The following GET1 variants were observed in gnomAD, a reference collection of about 807,000 sequenced individuals.
GET1 encodes the protein congenital heart disease 5 protein.
A neutral mutation model predicts 22.6 loss-of-function variants in GET1; 20 were observed. The ratio of observed to expected loss-of-function variants is 0.89; its 90% CI spans 0.62 to 1.29. The LOEUF (loss-of-function observed/expected upper bound fraction) is 1.29. Ranked by LOEUF, GET1 falls within the 50% of genes most tolerant of loss-of-function variation. The pLI is 0.00. For synonymous variants in GET1, 92 were observed against 83.8 expected (o/e 1.10, Z -0.53); for missense variants, 209 against 219.9 (o/e 0.95, Z 0.31).
intron 1 of GET1, chr21:39,426,183 A>T (rs2074671929): frequency 6.6e-6 from 1 of 152,112 alleles, no homozygotes; most frequent in South Asian, 2.1e-4. Flanking sequence ...GTGGGTGGGG[A>T]GGACAAGCCA....
chr21:39,390,661 G>A, intron 1 of GET1, 37 bp from the exon 2 acceptor site: 5 of 1,611,308 alleles, frequency 3.1e-6, no homozygotes, highest in Non-Finnish European at 4.2e-6. Context: ...TGTGACCCGT[G>A]TTGGAAGGTG....
At chr21:39,384,517 C>T (rs1448354160) in intron 1 of GET1, among the ~76,000 whole-genome samples, 1 of 151,652 alleles carries the variant, frequency 6.6e-6, no homozygotes, top group African/African-American at 2.4e-5. Context: ...GCCTCAGCCT[C>T]CCAAAGTGCG....
intron 1 of GET1, among the ~76,000 whole-genome samples, chr21:39,419,386 A>T (rs1038135644): frequency 6.6e-6 from 1 of 152,016 alleles, no homozygotes; most frequent in Non-Finnish European, 1.5e-5. Flanking sequence ...TTAGCTGGGT[A>T]TGGTGGCATG....
At chr21:39,419,670 T>C (rs1360333201) in intron 1 of GET1, among the ~76,000 whole-genome samples, 1 of 152,148 alleles carries the variant, frequency 6.6e-6, no homozygotes, top group African/African-American at 2.4e-5. Flanking sequence ...GGCAGAATCC[T>C]TGTGAATGGG....
chr21:39,411,948 A>G, intron 1 of GET1: 1 of 535,632 alleles, frequency 1.9e-6, no homozygotes, highest in Non-Finnish European at 3.4e-6. Flanking sequence ...ATATCATCCT[A>G]TACCATTCCT....
intron 3 of GET1, chr21:39,392,084 G>A (rs1404224967): frequency 8.3e-6 from 4 of 480,250 alleles, no homozygotes; most frequent in Non-Finnish European, 1.1e-5. Flanking sequence ...AGTTCTCGGA[G>A]AGCTTTCACC....
intron 4 of GET1, among the ~76,000 whole-genome samples, chr21:39,393,766 C>T (rs2038461455): frequency 6.6e-6 from 1 of 152,108 alleles, no homozygotes; most frequent in Non-Finnish European, 1.5e-5. Context: ...TCTTATGCCT[C>T]AGCCTCCCAA....
chr21:39,390,037 T>C (rs2146961127), intron 1 of GET1, among the ~76,000 whole-genome samples: 1 of 150,236 alleles, frequency 6.7e-6, no homozygotes, highest in African/African-American at 2.5e-5. Flanking sequence ...GCAATTTGAA[T>C]ATGAGTTTTT....
chr21:39,419,335 G>A (rs1407393404), intron 1 of GET1, among the ~76,000 whole-genome samples: 2 of 151,904 alleles, frequency 1.3e-5, no homozygotes, highest in Non-Finnish European at 2.9e-5. Flanking sequence ...GACCAGCCTG[G>A]GCAACACAGC....
Position 39,406,522 on chromosome 21 carries a change from T to C in GET1, c.*538T>C, listed in dbSNP as rs765478033. On this transcript the variant is annotated 3_prime_UTR_variant, in exon 5 of 5. Transcript: ENST00000415847. ...TTGCTCTTCTTTCACAAAAATGTTT[T>C]TCTTTTCTTGGTCTTCTTTTTTGTC... 9 of 1,613,202 alleles carry C rather than the reference T, an allele frequency of 5.6e-6. No individual in the cohort carries two copies. In the African/African-American group the frequency reaches 1.2e-4, roughly 22 times the overall value.
Position 39,380,357 on chromosome 21 carries a change from G to A in GET1, c.-28G>A. On this transcript the variant is annotated 5_prime_UTR_variant, in exon 1 of 5. Transcript: ENST00000649170. ...GTGGTCCCCATGGAGCTGCCGTAGC[G>A]GACCCAGCACAGCCAGGAGCGTCCG... 5 of 1,578,172 alleles carry A rather than the reference G, an allele frequency of 3.2e-6. No homozygotes were observed. Among genetic ancestry groups the A allele is most frequent in the East Asian group, 4.7e-5 (2 of 42,992 alleles).
chr21:39,413,341 C>T (rs2040440455), intron 1 of GET1, among the ~76,000 whole-genome samples: 1 of 152,162 alleles, frequency 6.6e-6, no homozygotes, highest in East Asian at 1.9e-4. Flanking sequence ...GACAACCTAG[C>T]ATAAGACTGT....
At chr21:39,396,814 TG>T in intron 4 of GET1, 51 bp from the exon 5 acceptor site, 2 of 1,513,132 alleles carry the variant, frequency 1.3e-6, no homozygotes, top group Non-Finnish European at 9.2e-7. Flanking sequence ...CAGAGACAGA[TG>T]GGGGCAGCAC....
At chr21:39,419,523 C>CAAAAAAAAAAAAAA (rs5843964) in intron 1 of GET1, among the ~76,000 whole-genome samples, 2 of 123,504 alleles carry the variant, frequency 1.6e-5, no homozygotes, top group Non-Finnish European at 3.2e-5. Context: ...AGACCCTGTT[C>CAAAAAAAAAAAAAA]AAAAAAAAAA....
chr21:39,412,620 G>A (rs1242277491), intron 1 of GET1, among the ~76,000 whole-genome samples: 2 of 145,856 alleles, frequency 1.4e-5, no homozygotes, highest in African/African-American at 5.0e-5. Context: ...ACACACACAC[G>A]GGGGGTGGGG....
chr21:39,388,658 G>A (rs2038086914), intron 1 of GET1, among the ~76,000 whole-genome samples: 1 of 152,198 alleles, frequency 6.6e-6, no homozygotes. Flanking sequence ...CTGATCCCTT[G>A]GGGTAGGTGC....
chr21:39,411,367 G>A (rs2040060070), downstream of GET1, among the ~76,000 whole-genome samples: 1 of 152,118 alleles, frequency 6.6e-6, no homozygotes, highest in African/African-American at 2.4e-5. Context: ...TTTTATTGAG[G>A]TCAAGTATAC....
chr21:39,391,509 T>C (rs543166371), intron 2 of GET1: 4 of 417,966 alleles, frequency 9.6e-6, no homozygotes, highest in African/African-American at 8.2e-5. Flanking sequence ...AAAGAATCTT[T>C]GATTTCATGA....
chr21:39,417,650 G>GA (rs1309340133), intron 1 of GET1, among the ~76,000 whole-genome samples: 1 of 152,224 alleles, frequency 6.6e-6, no homozygotes, highest in Non-Finnish European at 1.5e-5. Flanking sequence ...CATGGCTGGG[G>GA]AGGCCTCACA....
Sources: gnomAD v4.1 joint callset for allele counts (sites outside exome capture counted in the v4.1 genomes callset) on GRCh38, gnomAD v4.1.1 for gene constraint, MANE v1.5 for transcripts, NCBI Gene and HGNC (gene_info 2026-07-23, HGNC 2026-07-21) for gene names.